CAST: variants seen among roughly 807,000 people sequenced by gnomAD.
The protein encoded by CAST is calpastatin, also known as MIR583 host.
A neutral mutation model predicts 119.6 loss-of-function variants in CAST; 76 were observed. That is an observed-to-expected ratio of 0.64 (90% CI 0.53 to 0.77). The LOEUF is 0.77. Ranked by LOEUF, CAST falls within the 30% of genes least tolerant of loss-of-function variation. The pLI is 0.00. For synonymous variants in CAST, 319 were observed against 331.6 expected (o/e 0.96, Z 0.41); for missense variants, 953 against 946.5 (o/e 1.01, Z -0.09).
the CAST span, among the ~76,000 whole-genome samples, chr5:96,088,196 C>T: frequency 1.3e-5 from 2 of 152,120 alleles, no homozygotes; most frequent in Non-Finnish European, 2.9e-5. Context: ...AATATTTGTG[C>T]ACACACTCAA....
At chr5:96,158,176 A>G in the CAST span, among the ~76,000 whole-genome samples, 1 of 152,102 alleles carries the variant, frequency 6.6e-6, no homozygotes, top group African/African-American at 2.4e-5. Flanking sequence ...CCCATATCCA[A>G]TCTGTATCCT....
intron 5 of CAST, 25 bp from the exon 6 acceptor site, chr5:96,727,459 CTTTTT>C: frequency 7.6e-7 from 1 of 1,321,856 alleles, no homozygotes; most frequent in Non-Finnish European, 1.1e-6. Context: ...TTCTTCCTTC[CTTTTT>C]TTCTTTCTTT....
the CAST span, among the ~76,000 whole-genome samples, chr5:96,515,556 A>T: frequency 2.6e-4 from 40 of 151,912 alleles, no homozygotes; most frequent in Non-Finnish European, 5.3e-4. Context: ...GCAATCCCTA[A>T]TTTATTTCAG....
At chr5:96,334,061 G>T in the CAST span, among the ~76,000 whole-genome samples, 1 of 152,114 alleles carries the variant, frequency 6.6e-6, no homozygotes, top group South Asian at 2.1e-4. Context: ...TACCTACTTT[G>T]TTCAGAAAAT....
the CAST span, among the ~76,000 whole-genome samples, chr5:96,291,345 G>T: frequency 6.6e-6 from 1 of 152,174 alleles, no homozygotes; most frequent in African/African-American, 2.4e-5. Flanking sequence ...AGATGCAAAG[G>T]CTTTGTCAAT....
chr5:96,432,089 G>C, the CAST span: 6 of 1,533,306 alleles, frequency 3.9e-6, no homozygotes, highest in East Asian at 1.5e-4. Context: ...GTACTTGGCT[G>C]AAGAACAAGA....
At chr5:96,634,529 C>A (rs986330515) in intron 1 of CAST, among the ~76,000 whole-genome samples, 2 of 152,050 alleles carry the variant, frequency 1.3e-5, no homozygotes, top group Non-Finnish European at 2.9e-5. Flanking sequence ...CATAGGGGAC[C>A]AGAGAATTGG....
the CAST span, among the ~76,000 whole-genome samples, chr5:96,088,646 A>G: frequency 6.6e-6 from 1 of 152,326 alleles, no homozygotes; most frequent in African/African-American, 2.4e-5. Flanking sequence ...AGTGGAAAAT[A>G]TAATGGAGGA....
the CAST span, among the ~76,000 whole-genome samples, chr5:96,013,076 G>A: frequency 8.5e-5 from 13 of 152,188 alleles, no homozygotes; most frequent in South Asian, 2.1e-4. Flanking sequence ...TGTGGTCTGT[G>A]ACAGCAGTTT....
At chr5:96,302,211 G>A in the CAST span, among the ~76,000 whole-genome samples, 6 of 152,312 alleles carry the variant, frequency 3.9e-5, no homozygotes, top group East Asian at 7.7e-4. Flanking sequence ...TAGCACAGCT[G>A]GAGCTGGAGC....
the CAST span, among the ~76,000 whole-genome samples, chr5:96,038,203 A>C: frequency 6.6e-6 from 1 of 152,140 alleles, no homozygotes; most frequent in African/African-American, 2.4e-5. Context: ...ACAAAAAAAT[A>C]AAGTAGTGTT....
the CAST span, among the ~76,000 whole-genome samples, chr5:96,430,221 T>C: frequency 6.6e-6 from 1 of 152,240 alleles, no homozygotes; most frequent in Admixed American, 6.5e-5. Context: ...CTTTGGTTCA[T>C]TTAGGACTAT....
chr5:96,743,873 A>G, intron 16 of CAST: 1 of 636,588 alleles, frequency 1.6e-6, no homozygotes. Flanking sequence ...GGGGGGAGTC[A>G]GGAGGCCAAG....
the CAST span, among the ~76,000 whole-genome samples, chr5:96,211,287 T>C: frequency 1.3e-4 from 20 of 152,158 alleles, no homozygotes; most frequent in Non-Finnish European, 2.1e-4. Flanking sequence ...TTAAGTATAA[T>C]AGTGGCTTTA....
the CAST span, among the ~76,000 whole-genome samples, chr5:96,285,906 C>CATTT: frequency 7.2e-5 from 11 of 152,216 alleles, no homozygotes; most frequent in South Asian, 2.3e-3. Flanking sequence ...ACTTCTCAAA[C>CATTT]ATTTATGAAT....
At chr5:96,206,489 A>G in the CAST span, among the ~76,000 whole-genome samples, 1 of 152,072 alleles carries the variant, frequency 6.6e-6, no homozygotes, top group Non-Finnish European at 1.5e-5. Flanking sequence ...TATATGGTAT[A>G]AGAAAGGGGT....
At chr5:96,361,809 CTT>C in the CAST span, among the ~76,000 whole-genome samples, 2 of 68,624 alleles carry the variant, frequency 2.9e-5, no homozygotes, top group African/African-American at 6.7e-5. Flanking sequence ...CTCTAGTATG[CTT>C]TTTTTTTTTT....
At chr5:96,426,662 T>C in the CAST span, among the ~76,000 whole-genome samples, 2 of 152,222 alleles carry the variant, frequency 1.3e-5, no homozygotes, top group Non-Finnish European at 2.9e-5. Flanking sequence ...GTAGTTATAT[T>C]CATTATGAGA....
At chr5:96,563,056 A>G (rs529482285) in intron 1 of CAST, among the ~76,000 whole-genome samples, 3 of 152,194 alleles carry the variant, frequency 2.0e-5, no homozygotes, top group Non-Finnish European at 2.9e-5. Flanking sequence ...GGAGGAAAGA[A>G]ACATCCTTGA....
Sources: gnomAD v4.1 joint callset for allele counts (sites outside exome capture counted in the v4.1 genomes callset) on GRCh38, gnomAD v4.1.1 for gene constraint, MANE v1.5 for transcripts, NCBI Gene and HGNC (gene_info 2026-07-23, HGNC 2026-07-21) for gene names.